Variants in CFAP70 observed in about 807,000 individuals in gnomAD.
CFAP70 encodes cilia- and flagella-associated protein 70.
In CFAP70, 81 loss-of-function variants were observed where a neutral mutation model predicts 137.6. That is an observed-to-expected ratio of 0.59 (90% CI 0.49 to 0.71). CFAP70 has a LOEUF of 0.71. Ranked by LOEUF, CFAP70 falls within the 30% of genes least tolerant of loss-of-function variation. CFAP70 has a pLI of 0.00. For missense variants in CFAP70, 976 were observed against 1,226.7 expected (o/e 0.80, Z 3.05); for synonymous variants, 382 against 423.6 (o/e 0.90, Z 1.20).
chr10:73,331,620 T>C (rs1019603928), intron 7 of CFAP70, among the ~76,000 whole-genome samples: 2 of 152,156 alleles, frequency 1.3e-5, no homozygotes, highest in African/African-American at 2.4e-5. Flanking sequence ...AGGTCAAGGC[T>C]ATAGTGAGCC....
In CFAP70 at chr10:73,268,510, A is replaced by G. The variant is rs533482940; in HGVS notation, c.3027+1104T>C. On this transcript the variant is annotated intron_variant, in intron 25 of 26. Transcript: ENST00000310715. ...GAATGGGTTATACATCTGTATATAT[A>G]TCCTATTTTTTTTCCTATTTGACTT... is the stretch of plus-strand genomic sequence containing the variant. Among the ~76,000 whole-genome samples, 6 of 152,142 alleles carry G rather than the reference A, an allele frequency of 3.9e-5. No homozygotes were observed. In the South Asian group the frequency reaches 1.2e-3, roughly 32 times the overall value.
At chr10:73,338,456 A>G (rs2052916716) in intron 6 of CFAP70, among the ~76,000 whole-genome samples, 1 of 132,342 alleles carries the variant, frequency 7.6e-6, no homozygotes, top group African/African-American at 2.9e-5. Flanking sequence ...TTTTTTAGAC[A>G]GTCTCACTCT....
In CFAP70 at chr10:73,257,526, G is replaced by A. The variant is rs149945855; in HGVS notation, c.3028-1110C>T. ...AATATGTAAGAACCACAGAATATTC[G>A]TGTCTGAAGGGGACCTGGGGAATAT... On this transcript the variant is annotated intron_variant, in intron 25 of 26. Transcript: ENST00000310715. Among the ~76,000 whole-genome samples the A allele has an allele frequency of 1.1e-4, 16 of 152,300 alleles. No homozygotes were observed. In the East Asian group the frequency reaches 2.7e-3, roughly 26 times the overall value.
intron 9 of CFAP70, among the ~76,000 whole-genome samples, chr10:73,322,130 A>G (rs1341437656): frequency 1.3e-5 from 2 of 152,220 alleles, no homozygotes; most frequent in African/African-American, 4.8e-5. Context: ...TTGAGGTAAA[A>G]TTAAAGTACA....
chr10:73,305,606 TG>T (rs1198468735), intron 12 of CFAP70, among the ~76,000 whole-genome samples: 1 of 152,222 alleles, frequency 6.6e-6, no homozygotes, highest in Admixed American at 6.5e-5. Flanking sequence ...TTTTTTGTTT[TG>T]TTTTTGTTTG....
intron 19 of CFAP70, among the ~76,000 whole-genome samples, chr10:73,290,044 C>CAAAAAAAAAAA (rs397847750): frequency 8.3e-5 from 6 of 72,238 alleles, no homozygotes; most frequent in South Asian, 5.2e-4. Flanking sequence ...GACTCCATCT[C>CAAAAAAAAAAA]AAAAAAAAAA....
chr10:73,268,362 C>T (rs2045954621), intron 25 of CFAP70, among the ~76,000 whole-genome samples: 1 of 152,102 alleles, frequency 6.6e-6, no homozygotes, highest in South Asian at 2.1e-4. Flanking sequence ...ATTTGTTGAA[C>T]CCCTCTTTCT....
intron 6 of CFAP70, among the ~76,000 whole-genome samples, chr10:73,339,859 C>T (rs984558921): frequency 2.0e-5 from 3 of 152,192 alleles, no homozygotes; most frequent in South Asian, 2.1e-4. Context: ...CTGGGCTTCC[C>T]GAAGCACCAT....
chr10:73,264,582 A>T (rs545483749), intron 25 of CFAP70, among the ~76,000 whole-genome samples: 1 of 152,334 alleles, frequency 6.6e-6, no homozygotes, highest in Non-Finnish European at 1.5e-5. Flanking sequence ...TTATTTGTTA[A>T]ATCATAGAAT....
intron 12 of CFAP70, among the ~76,000 whole-genome samples, chr10:73,305,333 G>T (rs1436623192): frequency 6.6e-6 from 1 of 152,218 alleles, no homozygotes. Flanking sequence ...TAAAGCCTGA[G>T]AAGAAAAGCT....
chr10:73,288,547 A>C (rs2047922522), intron 19 of CFAP70, among the ~76,000 whole-genome samples: 1 of 152,184 alleles, frequency 6.6e-6, no homozygotes, highest in Non-Finnish European at 1.5e-5. Flanking sequence ...GCTGACTGCC[A>C]GCACTTGGGT....
At chr10:73,347,658 T>C (rs945010582) in intron 4 of CFAP70, among the ~76,000 whole-genome samples, 7 of 152,076 alleles carry the variant, frequency 4.6e-5, no homozygotes, top group African/African-American at 1.7e-4. Flanking sequence ...GAATGTTGAG[T>C]TTTAGGTGCC....
intron 8 of CFAP70, among the ~76,000 whole-genome samples, chr10:73,324,405 T>C (rs1219954468): frequency 6.6e-6 from 1 of 152,090 alleles, no homozygotes; most frequent in Non-Finnish European, 1.5e-5. Context: ...GCAGAAAAAC[T>C]GGAAACTCTA....
intron 19 of CFAP70, among the ~76,000 whole-genome samples, chr10:73,279,417 G>A (rs975714024): frequency 3.3e-5 from 5 of 151,442 alleles, no homozygotes; most frequent in East Asian, 1.9e-4. Context: ...CCAGCTACTC[G>A]GGAAGCTGAG....
intron 19 of CFAP70, among the ~76,000 whole-genome samples, chr10:73,281,931 AGCTAAACACTGG>A (rs1399724161): frequency 1.3e-5 from 2 of 152,246 alleles, no homozygotes; most frequent in Admixed American, 1.3e-4. Flanking sequence ...TATAAATGGA[AGCTAAACACTGG>A]GTACTTGTGG....
intron 25 of CFAP70, among the ~76,000 whole-genome samples, chr10:73,257,688 G>C (rs2044657942): frequency 6.6e-6 from 1 of 152,172 alleles, no homozygotes; most frequent in African/African-American, 2.4e-5. Context: ...ATTGCCAGCA[G>C]CATTTTCCAG....
intron 5 of CFAP70, among the ~76,000 whole-genome samples, chr10:73,343,009 G>C (rs1179736703): frequency 2.0e-5 from 3 of 151,994 alleles, no homozygotes; most frequent in Non-Finnish European, 4.4e-5. Context: ...AGGAGATCGA[G>C]ACCATCCTGG....
In CFAP70 at chr10:73,309,623, T is replaced by TTA. The variant is rs370624204; in HGVS notation, c.1256+533_1256+534dup. 2.8e-3 allele frequency among the ~76,000 whole-genome samples: 433 copies of TTA among 151,992 alleles called. 4 individuals are homozygous for TTA. The highest frequency in any genetic ancestry group is 0.01 in the African/African-American group (416 of 41,444). ...CTACCACACCTGACCTTGGGTATTTTTATATACTTTCTTGTTCATCCGTAT... is the reference window on the plus strand; with the variant it reads ...CTACCACACCTGACCTTGGGTATTTTTATATATACTTTCTTGTTCATCCGTAT... On this transcript the variant is annotated intron_variant, in intron 12 of 26. Coordinates refer to ENST00000310715, the Ensembl canonical transcript of CFAP70.
In CFAP70 at chr10:73,341,344, T is replaced by TATC. The variant is rs2053230315; in HGVS notation, c.582+52_582+54dup. 2.7e-6 allele frequency: 4 copies of TATC among 1,459,500 alleles called. No individual in the cohort carries two copies. The South Asian group carries it at 4.0e-5, about 14-fold the overall frequency. 90.4% of individuals were successfully genotyped at this position (1,459,500 alleles called of 1,614,324 possible). Reference sequence around the variant, plus strand: ...AATTACAGTAATTCACAAAATGTTTTATCATCTGTCAGTACACTAAGTTTA... The same window carrying TATC: ...AATTACAGTAATTCACAAAATGTTTTATCATCATCTGTCAGTACACTAAGTTTA... On this transcript the variant is annotated intron_variant, in intron 6 of 26. Transcript: ENST00000310715.
Sources: gnomAD v4.1 joint callset for allele counts (sites outside exome capture counted in the v4.1 genomes callset) on GRCh38, gnomAD v4.1.1 for gene constraint, MANE v1.5 for transcripts, NCBI Gene and HGNC (gene_info 2026-07-23, HGNC 2026-07-21) for gene names.